METTL21A: variants seen among roughly 807,000 people sequenced by gnomAD.
METTL21A encodes methyltransferase 21A, HSPA lysine, also known as protein N-lysine methyltransferase METTL21A.
METTL21A carries 22 observed loss-of-function variants against 20.9 expected under a neutral mutation model. That is an observed-to-expected ratio of 1.05 (90% confidence interval 0.75 to 1.50). The LOEUF (loss-of-function observed/expected upper bound fraction) is 1.50. METTL21A is among the 40% of genes most tolerant of loss of function. The probability of loss-of-function intolerance (pLI) is 0.00; values close to 1 mark genes in which losing one functional copy is unlikely to be tolerated. For missense variants in METTL21A, 271 were observed against 266.8 expected, an observed-to-expected ratio of 1.02 and a Z score of -0.11; for synonymous variants, 93 against 102.0, an observed-to-expected ratio of 0.91 and a Z score of 0.53.
rs1359473059 is a variant in METTL21A, at chr2:207,620,718, C to T, written c.259+1088G>A. 4 of 1,530,106 alleles carry T rather than the reference C, an allele frequency of 2.6e-6. No homozygotes were observed. In the South Asian group the frequency reaches 4.8e-5, roughly 18 times the overall value. 94.8% of individuals were successfully genotyped at this position (1,530,106 alleles called of 1,614,324 possible). ...TGCTGTGGTTGAAGACGGACGGAAA[C>T]CTCTGTCAATTTACACAGACTTTCA... On this transcript the variant is annotated intron_variant, in intron 3 of 3. Transcript: ENST00000406927.
At chr2:207,620,782 A>T (rs2107264651) in intron 3 of METTL21A, 1 of 1,239,078 alleles carries the variant, frequency 8.1e-7, no homozygotes, top group Non-Finnish European at 1.1e-6. Context: ...GAATTTTGGA[A>T]AGCAGCAGCT....
chr2:207,613,068 C>G (rs1175180585), exon 4 of METTL21A: 1 of 1,567,808 alleles, frequency 6.4e-7, no homozygotes, highest in Non-Finnish European at 8.6e-7. Context: ...CTTCTGGTTT[C>G]TCTTCTGTGC....
intron 3 of METTL21A, among the ~76,000 whole-genome samples, chr2:207,587,648 G>T (rs1327798467): frequency 2.6e-5 from 4 of 152,174 alleles, no homozygotes; most frequent in Non-Finnish European, 5.9e-5. Flanking sequence ...TGGCCATGTG[G>T]ATGAACTTGG....
At chr2:207,606,322 A>C (rs1374435821), downstream of METTL21A, among the ~76,000 whole-genome samples, 3 of 152,152 alleles carry the variant, frequency 2.0e-5, no homozygotes, top group African/African-American at 7.2e-5. Flanking sequence ...CTCTACTAAA[A>C]AATACAAAAA....
In METTL21A at chr2:207,621,932, A is replaced by G. The variant is rs1393594815; in HGVS notation, c.148-15T>C. ...AGAACGATGGCCTGAATGAAAACAC[A>G]GTGTGATGACGATTAAGGTCAACAT... On this transcript the variant is annotated splice_polypyrimidine_tract_variant and intron_variant, in intron 2 of 3. Coordinates refer to ENST00000406927, the Ensembl canonical transcript of METTL21A. 2 of 1,609,088 alleles carry G rather than the reference A, an allele frequency of 1.2e-6. No individual in the cohort carries two copies. The highest frequency in any genetic ancestry group is 2.2e-5 in the South Asian group (2 of 90,982).
chr2:207,588,729 T>G (rs1267271776), intron 3 of METTL21A, among the ~76,000 whole-genome samples: 1 of 5,668 alleles, frequency 1.8e-4, no homozygotes, highest in African/African-American at 2.0e-4. Context: ...TGTTTTCTGG[T>G]TTTTTTTTTT....
At chr2:207,609,335 AAAAAG>A (rs1424246273), downstream of METTL21A, 10 of 152,350 alleles carry the variant, frequency 6.6e-5, no homozygotes, top group Admixed American at 3.3e-4. Flanking sequence ...TTTGCATTGT[AAAAAG>A]AAAAGTTCAT....
chr2:207,623,480 T>C (rs1300887890), intron 2 of METTL21A, among the ~76,000 whole-genome samples: 1 of 152,208 alleles, frequency 6.6e-6, no homozygotes, highest in Non-Finnish European at 1.5e-5. Flanking sequence ...TTTTTAACAA[T>C]TACAACTATG....
chr2:207,609,607 A>C (rs1013812199), downstream of METTL21A: 3 of 152,192 alleles, frequency 2.0e-5, no homozygotes, highest in African/African-American at 7.2e-5. Flanking sequence ...TATATGTAGG[A>C]AGCTAACCTC....
At chr2:207,593,481 C>T (rs1277018190) in intron 3 of METTL21A, among the ~76,000 whole-genome samples, 1 of 152,014 alleles carries the variant, frequency 6.6e-6, no homozygotes, top group Non-Finnish European at 1.5e-5. Flanking sequence ...AGTGAGCCCT[C>T]ATTGTGCCAC....
intron 3 of METTL21A, among the ~76,000 whole-genome samples, chr2:207,590,718 C>T (rs954546917): frequency 2.6e-5 from 4 of 152,120 alleles, no homozygotes; most frequent in East Asian, 1.9e-4. Context: ...TCAACTCTGC[C>T]GTTGTAATAC....
rs185200608 is a variant in METTL21A at position 207,594,570 on chromosome 2, T to C, written c.260-12410A>G. The stretch of plus-strand genomic sequence containing the variant: ...AGGGCCTTCCTAAGGCTGAATAATA[T>C]TAATATTACATTGTATGTATATACC... On this transcript the variant is annotated intron_variant, in intron 3 of 3. Transcript: ENST00000425132. 4.6e-5 allele frequency among the ~76,000 whole-genome samples: 7 copies of C among 152,328 alleles called. No homozygotes were observed. In the South Asian group the frequency reaches 6.2e-4, roughly 14 times the overall value.
intron 3 of METTL21A, among the ~76,000 whole-genome samples, chr2:207,589,995 A>C (rs902899455): frequency 1.3e-5 from 2 of 150,698 alleles, no homozygotes; most frequent in Non-Finnish European, 3.0e-5. Context: ...TCTGGAAGAG[A>C]TTATAATATT....
At chr2:207,614,286 C>T (rs926428078) in intron 3 of METTL21A, among the ~76,000 whole-genome samples, 1 of 151,872 alleles carries the variant, frequency 6.6e-6, no homozygotes, top group Non-Finnish European at 1.5e-5. Context: ...GTCTTAACTA[C>T]TCAGGAGGCG....
At chr2:207,589,382 C>CGGAAA (rs2084529313) in intron 3 of METTL21A, among the ~76,000 whole-genome samples, 1 of 152,104 alleles carries the variant, frequency 6.6e-6, no homozygotes, top group Non-Finnish European at 1.5e-5. Context: ...TTCTGCTTTC[C>CGGAAA]TGTTCTACTT....
At chr2:207,619,431 G>A (rs1304527120) in intron 3 of METTL21A, among the ~76,000 whole-genome samples, 1 of 152,112 alleles carries the variant, frequency 6.6e-6, no homozygotes, top group Non-Finnish European at 1.5e-5. Flanking sequence ...CTATTTTGAA[G>A]AGACTAACAT....
intron 3 of METTL21A, among the ~76,000 whole-genome samples, chr2:207,619,172 G>A (rs1030748029): frequency 9.4e-5 from 6 of 63,550 alleles, no homozygotes; most frequent in East Asian, 1.9e-3. Context: ...ACATAGCACC[G>A]CTTTTTTTTT....
intron 3 of METTL21A, among the ~76,000 whole-genome samples, chr2:207,584,986 C>T (rs1225234735): frequency 1.3e-5 from 2 of 151,464 alleles, no homozygotes; most frequent in Non-Finnish European, 2.9e-5. Context: ...AATTTTCTGC[C>T]TGGATAGGCC....
chr2:207,623,585 C>A (rs568410133), intron 2 of METTL21A, among the ~76,000 whole-genome samples: 1 of 152,346 alleles, frequency 6.6e-6, no homozygotes, highest in East Asian at 1.9e-4. Context: ...GGCGCTGTGG[C>A]TCACGCCTGT....
Sources: gnomAD v4.1 joint callset for allele counts (sites outside exome capture counted in the v4.1 genomes callset) on GRCh38, gnomAD v4.1.1 for gene constraint, MANE v1.5 for transcripts, NCBI Gene and HGNC (gene_info 2026-07-23, HGNC 2026-07-21) for gene names.